Variants in GLIS1 observed in about 807,000 individuals in gnomAD.
GLIS1 encodes GLIS family zinc finger 1.
Under a neutral mutation model 63.8 loss-of-function variants are expected in GLIS1, and 24 were observed. The ratio of observed to expected loss-of-function variants is 0.38; its 90% CI spans 0.27 to 0.53. The LOEUF (loss-of-function observed/expected upper bound fraction) is 0.53, where lower values mean the gene tolerates loss of function less well. GLIS1 is among the 20% of genes least tolerant of loss of function. GLIS1 has a pLI of 0.85. For missense variants in GLIS1, 1,036 were observed against 1,074.1 expected, an observed-to-expected ratio of 0.96 and a Z score of 0.50; for synonymous variants, 450 against 482.5, an observed-to-expected ratio of 0.93 and a Z score of 0.88.
chr1:53,658,565 TG>T (rs1360978811), intron 2 of GLIS1, among the ~76,000 whole-genome samples: 1 of 152,192 alleles, frequency 6.6e-6, no homozygotes, highest in East Asian at 1.9e-4. Flanking sequence ...GAAAGGCTAC[TG>T]GGGCCTGGAA....
At position 53,737,861 on chromosome 1, in the gene GLIS1, G is replaced by C. The variant is rs1001037834; in HGVS notation, c.204C>G (p.Leu68=). The change falls in exon 2 of 11, where the codon CTC becomes CTG. Residue 68 remains leucine (L), a synonymous_variant. Coordinates refer to ENST00000628545, the MANE Select transcript of GLIS1 (RefSeq NM_001367484.1). ...CGTAGTCTCGGGGACTGCGGGGCCG[G>C]AGGAGGTCGTGGGCGCGCGGTGGCG... ...PAPPPRAHDL[L]RPRSPRDYGP... is the part of the protein sequence containing the mutation. 1.6e-6 allele frequency: 2 copies of C among 1,230,958 alleles called. No homozygotes were observed. The highest frequency in any genetic ancestry group is 3.1e-5 in the African/African-American group (2 of 64,384). The allele number at this position is 1,230,958 out of a possible 1,614,324, so 76.3% of individuals were successfully genotyped here.
intron 2 of GLIS1, among the ~76,000 whole-genome samples, chr1:53,651,039 G>A (rs1469180509): frequency 6.6e-6 from 1 of 152,210 alleles, no homozygotes; most frequent in East Asian, 1.9e-4. Context: ...CAGAGTCTGA[G>A]CCGTTTAACA....
intron 4 of GLIS1, among the ~76,000 whole-genome samples, chr1:53,538,745 G>A (rs1217989266): frequency 2.0e-5 from 3 of 152,142 alleles, no homozygotes; most frequent in African/African-American, 4.8e-5. Context: ...GAGGGGGTGG[G>A]GGCTGCAGAC....
At chr1:53,677,213 A>G (rs891289664) in intron 2 of GLIS1, among the ~76,000 whole-genome samples, 1 of 151,676 alleles carries the variant, frequency 6.6e-6, no homozygotes, top group Non-Finnish European at 1.5e-5. Context: ...ATTAGTTATA[A>G]TGGGAGTTAC....
intron 2 of GLIS1, among the ~76,000 whole-genome samples, chr1:53,634,303 T>C (rs2100263819): frequency 6.6e-6 from 1 of 152,156 alleles, no homozygotes; most frequent in South Asian, 2.1e-4. Flanking sequence ...GTGTTTGAAA[T>C]GCAGTAATAC....
chr1:53,557,606 C>T (rs910645833), intron 4 of GLIS1, among the ~76,000 whole-genome samples: 1 of 152,126 alleles, frequency 6.6e-6, no homozygotes. Flanking sequence ...GAGCCTGGCC[C>T]CCTGACCTCA....
intron 2 of GLIS1, among the ~76,000 whole-genome samples, chr1:53,613,544 A>G (rs1386820179): frequency 6.6e-6 from 1 of 152,240 alleles, no homozygotes; most frequent in African/African-American, 2.4e-5. Context: ...GCTATTGAAT[A>G]TGATACAGTG....
At chr1:53,723,118 G>A (rs925305716) in intron 2 of GLIS1, among the ~76,000 whole-genome samples, 1 of 151,714 alleles carries the variant, frequency 6.6e-6, no homozygotes, top group Non-Finnish European at 1.5e-5. Context: ...GGGTGACAGA[G>A]TGAGACTCTG....
rs1362900152 is a variant in GLIS1 at position 53,574,304 on chromosome 1, C to G, written c.1320+19804G>C. ...CTCAGGTCCCATTCACTGCTCTGTC[C>G]CAGAATATGCACCGCTCTGTACCCA... On this transcript the variant is annotated intron_variant, in intron 4 of 10. Transcript: ENST00000628545. The surrounding 1 kb of genome is among the most constrained non-coding windows in gnomAD (Gnocchi z 4.2). Among the ~76,000 whole-genome samples the G allele has an allele frequency of 1.3e-5, 2 of 152,194 alleles. No individual in the cohort carries two copies. The highest frequency in any genetic ancestry group is 4.1e-4 in the South Asian group (2 of 4,828).
intron 2 of GLIS1, among the ~76,000 whole-genome samples, chr1:53,630,848 T>G (rs752341104): frequency 2.0e-5 from 3 of 152,236 alleles, no homozygotes; most frequent in Non-Finnish European, 4.4e-5. Context: ...AGGATTTCCT[T>G]TCTCTCTGCT....
intron 2 of GLIS1, among the ~76,000 whole-genome samples, chr1:53,685,046 G>A (rs574172675): frequency 3.9e-5 from 6 of 152,300 alleles, no homozygotes; most frequent in African/African-American, 4.8e-5. Flanking sequence ...AAGGTTTCCT[G>A]GAGGAGATGC....
At chr1:53,544,369 G>A (rs144529054) in intron 4 of GLIS1, among the ~76,000 whole-genome samples, 30 of 152,272 alleles carry the variant, frequency 2.0e-4, no homozygotes, top group African/African-American at 5.8e-4. Context: ...TCCGGCCCCC[G>A]GGGCACAGTG....
intron 2 of GLIS1, among the ~76,000 whole-genome samples, chr1:53,638,301 A>G (rs1319954613): frequency 6.6e-6 from 1 of 152,230 alleles, no homozygotes; most frequent in African/African-American, 2.4e-5. Context: ...CCATAACCCA[A>G]AGACAACGTG....
At chr1:53,599,520 T>G (rs1305223132) in intron 3 of GLIS1, among the ~76,000 whole-genome samples, 1 of 152,238 alleles carries the variant, frequency 6.6e-6, no homozygotes, top group Non-Finnish European at 1.5e-5. Context: ...TTCCTTTTCT[T>G]TATAAATTAC....
chr1:53,697,677 T>G (rs1288004133), intron 2 of GLIS1, among the ~76,000 whole-genome samples: 1 of 152,224 alleles, frequency 6.6e-6, no homozygotes, highest in East Asian at 1.9e-4. Context: ...CCTTCCACAG[T>G]CCAGCTAACA....
intron 6 of GLIS1, among the ~76,000 whole-genome samples, chr1:53,521,426 C>T (rs1294432700): frequency 3.3e-5 from 5 of 152,130 alleles, no homozygotes; most frequent in African/African-American, 9.7e-5. Context: ...GAGCTGGGCT[C>T]GGATCCCATC....
chr1:53,711,217 C>T (rs1646643442), intron 2 of GLIS1, among the ~76,000 whole-genome samples: 1 of 152,144 alleles, frequency 6.6e-6, no homozygotes, highest in Non-Finnish European at 1.5e-5. Flanking sequence ...AAGGAAGTAA[C>T]TTGCTCATCC....
At chr1:53,711,748 C>A (rs1646649258) in intron 2 of GLIS1, among the ~76,000 whole-genome samples, 1 of 152,222 alleles carries the variant, frequency 6.6e-6, no homozygotes, top group African/African-American at 2.4e-5. Context: ...AAGTAGCAGT[C>A]ATTGTTATCA....
chr1:53,521,569 G>T (rs1396360954), intron 6 of GLIS1, among the ~76,000 whole-genome samples: 2 of 152,198 alleles, frequency 1.3e-5, no homozygotes, highest in African/African-American at 4.8e-5. Context: ...GACACAGAGT[G>T]ACGATGGCTG....
Sources: allele counts gnomAD v4.1 joint callset (sites outside exome capture counted in the v4.1 genomes callset), GRCh38; gene constraint gnomAD v4.1.1; non-coding constraint Gnocchi (gnomAD v3.1); transcripts MANE v1.5; gene names NCBI Gene and HGNC (gene_info 2026-07-23, HGNC 2026-07-21).